GGTLC2: variants seen among roughly 807,000 people sequenced by gnomAD.
The protein encoded by GGTLC2 is gamma-glutamyltransferase light chain 2.
Under a neutral mutation model 20.2 loss-of-function variants are expected in GGTLC2, and 13 were observed. The ratio of observed to expected loss-of-function variants is 0.64; its 90% CI spans 0.42 to 1.02. The LOEUF (loss-of-function observed/expected upper bound fraction) is 1.02, where lower values mean the gene tolerates loss of function less well. Among genes scored for constraint, GGTLC2 ranks in the 50% least tolerant of loss-of-function variants. GGTLC2 has a pLI of 0.00. For missense variants in GGTLC2, 202 were observed against 301.3 expected (o/e 0.67, Z 2.44); for synonymous variants, 89 against 125.5 (o/e 0.71, Z 1.94).
intron 1 of GGTLC2, among the ~76,000 whole-genome samples, chr22:22,645,396 C>CTTAT (rs1169410013): frequency 2.1e-5 from 3 of 144,930 alleles, no homozygotes; most frequent in Non-Finnish European, 4.6e-5. Flanking sequence ...TGAACCCATG[C>CTTAT]TTATTTATTT....
Position 22,646,784 on chromosome 22 carries a change from C to T in GGTLC2, c.207C>T (p.Ser69=), listed in dbSNP as rs138799771. The change falls in exon 3 of 6, where the codon AGC becomes AGT. Residue 69 remains serine (S), a synonymous_variant. Transcript: ENST00000448514. The part of the protein sequence containing the change: ...YFGSKVRSPV[S]EILFNDEMDD... ...GCTCCAAGGTCCGCTCCCCGGTCAG[C>T]GAGATCCTGTTCAATGATGAAATGG... The T allele has an allele frequency of 1.8e-4, 283 of 1,608,662 alleles. 6 individuals carry two copies. In the East Asian group the frequency reaches 2.3e-3, roughly 13 times the overall value.
chr22:22,645,221 T>G (rs911137713), intron 1 of GGTLC2, among the ~76,000 whole-genome samples: 2 of 150,484 alleles, frequency 1.3e-5, no homozygotes, highest in African/African-American at 4.9e-5. Context: ...GTGTTGAAAC[T>G]CCCTTGAGGC....
Position 22,647,269 on chromosome 22 carries a change from A to G in GGTLC2, c.489A>G (p.Thr163=). 1.2e-6 allele frequency: 2 copies of G among 1,611,102 alleles called. No individual in the cohort carries two copies. The highest frequency in any genetic ancestry group is 2.7e-5 in the African/African-American group (2 of 74,906). ...ACCAGCTTCTGCCCAACGTCACGAC[A>G]GTGGAGAGAAACATTGACCAGGTGG... ...LHNQLLPNVT[T]VERNIDQAVT... The change falls in exon 5 of 6, where the codon ACA becomes ACG. Residue 163 remains threonine, a synonymous_variant. Transcript: ENST00000448514.
rs1241124134 is a variant in GGTLC2 at position 22,646,763 on chromosome 22, C to T, written c.186C>T (p.Ser62=). The change falls in exon 3 of 6, where the codon TCC becomes TCT. Residue 62 remains serine (S), a synonymous_variant. Transcript: ENST00000448514. ...CCTGGCTGGGCGGTAGCTTTGGCTC[C>T]AAGGTCCGCTCCCCGGTCAGCGAGA... The part of the protein sequence containing the change: ...ATSTINLYFG[S]KVRSPVSEIL... 5.0e-6 allele frequency: 8 copies of T among 1,610,182 alleles called. No homozygotes were observed. Among genetic ancestry groups the T allele is most frequent in the Non-Finnish European group, 2.5e-6 (3 of 1,178,364 alleles).
In GGTLC2 at chr22:22,647,142, C is replaced by T; in HGVS notation, c.362C>T (p.Pro121Leu). The change falls in exon 5 of 6, where the codon CCC becomes CTC. Residue 121 changes from proline (P) to leucine (L), a missense_variant and splice_region_variant. Pro to Leu is a moderately conservative substitution (Grantham distance 98, BLOSUM62 -3). Transcript: ENST00000448514. Reference protein sequence around the residue: ...PTIMVGQDGQPPSHADHTPMP... With the variant: ...PTIMVGQDGQLPSHADHTPMP... ...CCTGGCCGTGCCCACCCTGCACAGCCCCCAAGCCATGCTGATCACACTCCC... is the reference window on the plus strand; with the variant it reads ...CCTGGCCGTGCCCACCCTGCACAGCTCCCAAGCCATGCTGATCACACTCCC... 6.2e-7 allele frequency: 1 copy of T among 1,611,656 alleles called. No homozygotes were observed. Among genetic ancestry groups the T allele is most frequent in the African/African-American group, 1.3e-5 (1 of 74,872 alleles).
intron 1 of GGTLC2, 148 bp downstream of exon 1, chr22:22,644,856 G>A (rs2063982113): frequency 3.4e-5 from 3 of 88,398 alleles, no homozygotes; most frequent in Admixed American, 1.3e-4. Context: ...TTGCACTCCA[G>A]CCTGGGCAAC....
intron 3 of GGTLC2, 46 bp downstream of exon 3, chr22:22,646,927 C>T (rs1214318493): frequency 4.3e-6 from 7 of 1,611,432 alleles, no homozygotes; most frequent in South Asian, 1.1e-5. Flanking sequence ...TGGAGAGGGG[C>T]GGGTGTCCTG....
At chr22:22,645,199 C>T (rs1383495805) in intron 1 of GGTLC2, among the ~76,000 whole-genome samples, 1 of 151,446 alleles carries the variant, frequency 6.6e-6, no homozygotes, top group African/African-American at 2.4e-5. Flanking sequence ...CAGGCGTGAG[C>T]CACCGCGCCC....
At chr22:22,644,882 C>CTTTTTTTTTTT (rs1180593782) in intron 1 of GGTLC2, among the ~76,000 whole-genome samples, 174 bp downstream of exon 1, 2 of 32,540 alleles carry the variant, frequency 6.1e-5, no homozygotes, top group Non-Finnish European at 9.6e-5. Flanking sequence ...CAGACTCTCT[C>CTTTTTTTTTTT]TTTTTTTTTT....
rs528003668 is a variant in GGTLC2 at position 22,647,043 on chromosome 22, G to T, written c.360+5G>T. ...ATGGTGGGCCAGGACGGCCAGGTCC[G>T]GATGGTGGTGGGAGCTGCTGGGGGC... On this transcript the variant is annotated splice_donor_5th_base_variant and intron_variant, in intron 4 of 5. Transcript: ENST00000448514. 2 of 1,611,500 alleles carry T rather than the reference G, an allele frequency of 1.2e-6. No homozygotes were observed. The highest frequency in any genetic ancestry group is 1.7e-6 in the Non-Finnish European group (2 of 1,179,794).
At chr22:22,645,793 C>T (rs1200729041) in intron 1 of GGTLC2, among the ~76,000 whole-genome samples, 3 of 151,378 alleles carry the variant, frequency 2.0e-5, no homozygotes, top group Non-Finnish European at 4.4e-5. Context: ...CTCTGCCTAT[C>T]GCTCACCAGC....
intron 1 of GGTLC2, among the ~76,000 whole-genome samples, chr22:22,645,340 T>C (rs1374555989): frequency 1.3e-5 from 2 of 150,834 alleles, no homozygotes; most frequent in African/African-American, 2.4e-5. Flanking sequence ...CAGCAGCCAC[T>C]CAATGTCAAT....
intron 1 of GGTLC2, 92 bp from the exon 2 acceptor site, chr22:22,646,220 G>A (rs1338423109): frequency 1.4e-6 from 2 of 1,424,398 alleles, no homozygotes; most frequent in African/African-American, 2.8e-5. Flanking sequence ...GCCACGGAAG[G>A]TTGTGGGTGC....
rs762379956 is a variant in GGTLC2 at position 22,646,748 on chromosome 22, C to T, written c.177-6C>T. 5.8e-5 allele frequency: 93 copies of T among 1,608,546 alleles called. 1 individual carries two copies. Among genetic ancestry groups the T allele is most frequent in the East Asian group, 1.8e-4 (8 of 44,716 alleles). On this transcript the variant is annotated splice_polypyrimidine_tract_variant and splice_region_variant and intron_variant, in intron 2 of 5. Transcript: ENST00000448514. ...TCAGGTGCTGTCTGACCTGGCTGGG[C>T]GGTAGCTTTGGCTCCAAGGTCCGCT...
At chr22:22,645,523 C>G (rs532274684) in intron 1 of GGTLC2, among the ~76,000 whole-genome samples, 31 of 151,060 alleles carry the variant, frequency 2.1e-4, no homozygotes, top group South Asian at 1.3e-3. Context: ...TCGGCGCCAT[C>G]CTTGATTCTT....
intron 5 of GGTLC2, 116 bp downstream of exon 5, chr22:22,647,406 G>C: frequency 7.8e-6 from 12 of 1,546,772 alleles, no homozygotes; most frequent in Non-Finnish European, 1.1e-5. Flanking sequence ...TAGTGCCTGG[G>C]CCATCTGGAG....
At chr22:22,645,104 G>C (rs2064009684) in intron 1 of GGTLC2, among the ~76,000 whole-genome samples, 1 of 115,420 alleles carries the variant, frequency 8.7e-6, no homozygotes, top group Admixed American at 9.9e-5. Context: ...GTGTTAGCCA[G>C]GATGATCTCC....
Position 22,646,849 on chromosome 22 carries a change from TG to T in GGTLC2, c.273del (p.Ser94HisfsTer51). 6.2e-7 allele frequency: 1 copy of T among 1,600,166 alleles called. No homozygotes were observed. The highest frequency in any genetic ancestry group is 2.3e-5 in the East Asian group (1 of 43,710). On this transcript the variant is annotated frameshift_variant, in exon 3 of 6. Transcript: ENST00000448514. LOFTEE classifies it high-confidence loss of function. ...SSPNITNEFG[V>X]PPSPANFIQP... ...CCCAACATCACCAACGAGTTTGGGG[TG>T]CCCCCCTCACCTGCCAATTTCATCC...
chr22:22,644,869 A>G (rs1376447054), intron 1 of GGTLC2, among the ~76,000 whole-genome samples, 161 bp downstream of exon 1: 1 of 81,266 alleles, frequency 1.2e-5, no homozygotes. Flanking sequence ...TGGGCAACAG[A>G]GTCAGACTCT....
Sources: allele counts gnomAD v4.1 joint callset (sites outside exome capture counted in the v4.1 genomes callset), GRCh38; gene constraint gnomAD v4.1.1; transcripts MANE v1.5; gene names NCBI Gene and HGNC (gene_info 2026-07-23, HGNC 2026-07-21).